Variants in PRMT3 observed in about 807,000 individuals in gnomAD.
PRMT3 encodes protein arginine N-methyltransferase 3.
PRMT3 carries 62 observed loss-of-function variants against 71.9 expected under a neutral mutation model. The ratio of observed to expected loss-of-function variants is 0.86; its 90% CI spans 0.70 to 1.07. PRMT3 has a LOEUF of 1.07. PRMT3 is among the 50% of genes least tolerant of loss of function. The pLI is 0.00. For missense variants in PRMT3, 663 were observed against 643.0 expected (o/e 1.03, Z -0.34); for synonymous variants, 213 against 220.4 (o/e 0.97, Z 0.30).
intron 8 of PRMT3, among the ~76,000 whole-genome samples, chr11:20,404,573 A>G (rs1012905643): frequency 6.6e-6 from 1 of 152,146 alleles, no homozygotes; most frequent in Non-Finnish European, 1.5e-5. Flanking sequence ...TGGAAAGCTT[A>G]TTTAATGTTT....
intron 15 of PRMT3, 116 bp downstream of exon 15, chr11:20,494,370 G>A (rs1233015062): frequency 1.6e-5 from 14 of 884,956 alleles, no homozygotes; most frequent in Middle Eastern, 3.3e-4. Context: ...ACGGAGTCTC[G>A]CTGTCTCACC....
At chr11:20,449,523 C>G (rs976660728) in intron 10 of PRMT3, among the ~76,000 whole-genome samples, 6 of 152,054 alleles carry the variant, frequency 3.9e-5, no homozygotes, top group African/African-American at 1.4e-4. Flanking sequence ...CATTCACTCC[C>G]CATTTATGTG....
At chr11:20,482,378 A>G (rs1850958820) in intron 13 of PRMT3, among the ~76,000 whole-genome samples, 1 of 149,844 alleles carries the variant, frequency 6.7e-6, no homozygotes, top group Admixed American at 6.6e-5. Flanking sequence ...CTAGATAGGT[A>G]TAGGTTTATG....
At chr11:20,474,609 A>C (rs1315273164) in intron 13 of PRMT3, among the ~76,000 whole-genome samples, 1 of 152,186 alleles carries the variant, frequency 6.6e-6, no homozygotes. Flanking sequence ...CCTAGGTGCA[A>C]AGATCCATGG....
chr11:20,389,710 G>T (rs537695735), intron 2 of PRMT3, 34 bp from the exon 3 acceptor site: 10 of 1,442,750 alleles, frequency 6.9e-6, no homozygotes, highest in Non-Finnish European at 9.7e-6. Context: ...CTTCTTAGGG[G>T]ACTATTCCAT....
At position 20,496,668 on chromosome 11, in the gene PRMT3, CT is replaced by C. The variant is rs1211693992; in HGVS notation, c.1486+2417del. On this transcript the variant is annotated intron_variant, in intron 15 of 15. Transcript: ENST00000331079. ...CATATAAAAGACATATAAAGGAAAACTTTGTAAAAAATTGGAGGAACTCTGA... is the reference window on the plus strand; with the variant it reads ...CATATAAAAGACATATAAAGGAAAACTTGTAAAAAATTGGAGGAACTCTGA... 8.6e-4 allele frequency among the ~76,000 whole-genome samples: 131 copies of C among 151,776 alleles called. 2 individuals carry two copies. The highest frequency in any genetic ancestry group is 1.2e-4 in the Non-Finnish European group (8 of 67,954).
chr11:20,441,452 C>T (rs1265851905), intron 10 of PRMT3, among the ~76,000 whole-genome samples: 1 of 151,798 alleles, frequency 6.6e-6, no homozygotes, highest in African/African-American at 2.4e-5. Context: ...ACTATAGGCA[C>T]CCGCCACCAT....
chr11:20,418,858 G>C (rs1849366174), intron 9 of PRMT3, among the ~76,000 whole-genome samples: 1 of 151,970 alleles, frequency 6.6e-6, no homozygotes, highest in Admixed American at 6.6e-5. Flanking sequence ...ATATGCATAA[G>C]TATCCATAAA....
chr11:20,408,202 AGCTAT>A (rs1174314023), intron 9 of PRMT3, among the ~76,000 whole-genome samples, 170 bp downstream of exon 9: 4 of 152,102 alleles, frequency 2.6e-5, no homozygotes, highest in African/African-American at 9.7e-5. Context: ...GACACATTTG[AGCTAT>A]GCTGCTGAAT....
Position 20,396,451 on chromosome 11 carries a change from A to G in PRMT3, c.560+489A>G, listed in dbSNP as rs539975697. On this transcript the variant is annotated intron_variant, in intron 6 of 15. Coordinates refer to ENST00000331079, the MANE Select transcript of PRMT3 (RefSeq NM_005788.4). ...CAGGAGTTTGAGACCAGCCTGGCCAACATGGTGAAACCCTGTCTCTACTAA... is the reference window on the plus strand; with the variant it reads ...CAGGAGTTTGAGACCAGCCTGGCCAGCATGGTGAAACCCTGTCTCTACTAA... 2.0e-5 allele frequency among the ~76,000 whole-genome samples: 3 copies of G among 152,292 alleles called. No individual in the cohort carries two copies. In the East Asian group the frequency reaches 5.8e-4, roughly 29 times the overall value.
Position 20,388,088 on chromosome 11 carries a change from G to A in PRMT3, c.98G>A (p.Trp33Ter), listed in dbSNP as rs1465492019. 1 of 1,614,074 alleles carries A rather than the reference G, an allele frequency of 6.2e-7. No homozygotes were observed. Among genetic ancestry groups the A allele is most frequent in the Admixed American group, 1.7e-5 (1 of 60,028 alleles). ...ELSDSGDEAA[W>*]EDEDDADLPH... ...TCGGACAGCGGGGACGAGGCCGCCT[G>A]GGAGGATGAGGACGATGCAGATCTC... is the stretch of plus-strand genomic sequence containing the variant. Residue 33 changes from tryptophan to a stop codon, truncating the protein, a stop_gained, in exon 2 of 16, where the codon TGG (tryptophan) becomes TAG (stop). Transcript: ENST00000331079. LOFTEE classifies it high-confidence loss of function.
At chr11:20,402,438 T>C (rs539806220) in intron 7 of PRMT3, among the ~76,000 whole-genome samples, 2 of 152,104 alleles carry the variant, frequency 1.3e-5, no homozygotes, top group South Asian at 4.2e-4. Flanking sequence ...TATTTCTATT[T>C]TTTTTTGGAG....
chr11:20,441,590 A>T (rs4101170), intron 10 of PRMT3, among the ~76,000 whole-genome samples: 2 of 151,548 alleles, frequency 1.3e-5, no homozygotes, highest in East Asian at 2.0e-4. Context: ...TACAGGCTTG[A>T]GCCACCGCGC....
At chr11:20,433,622 T>G (rs1023934488) in intron 10 of PRMT3, among the ~76,000 whole-genome samples, 4 of 151,952 alleles carry the variant, frequency 2.6e-5, no homozygotes, top group Non-Finnish European at 5.9e-5. Context: ...CTGTTTTGTT[T>G]TGTTTTTGTT....
At chr11:20,395,782 A>G (rs546603561) in intron 5 of PRMT3, 21 bp from the exon 6 acceptor site, 3 of 1,602,088 alleles carry the variant, frequency 1.9e-6, no homozygotes, top group African/African-American at 1.3e-5. Context: ...GCCTGATAAT[A>G]ATGTCCATTT....
At chr11:20,421,739 A>G (rs957135516) in intron 9 of PRMT3, among the ~76,000 whole-genome samples, 1 of 151,368 alleles carries the variant, frequency 6.6e-6, no homozygotes, top group African/African-American at 2.4e-5. Flanking sequence ...CCTCTCTTTG[A>G]TTTTCCTTTT....
At chr11:20,505,033 T>C (rs548031930) in intron 15 of PRMT3, among the ~76,000 whole-genome samples, 1 of 152,288 alleles carries the variant, frequency 6.6e-6, no homozygotes, top group East Asian at 1.9e-4. Context: ...ACACCCAGCC[T>C]TTATGCTTTT....
chr11:20,403,872 T>C (rs1849004243), intron 8 of PRMT3, among the ~76,000 whole-genome samples: 1 of 152,240 alleles, frequency 6.6e-6, no homozygotes, highest in Admixed American at 6.5e-5. Context: ...TTACATGATA[T>C]GGCAGCAGTA....
At chr11:20,403,934 A>T (rs754488427) in intron 8 of PRMT3, among the ~76,000 whole-genome samples, 31 of 152,030 alleles carry the variant, frequency 2.0e-4, no homozygotes, top group Non-Finnish European at 4.1e-4. Flanking sequence ...ATTGTTTGGA[A>T]TATAATCTGG....
Sources: allele counts gnomAD v4.1 joint callset (sites outside exome capture counted in the v4.1 genomes callset), GRCh38; gene constraint gnomAD v4.1.1; transcripts MANE v1.5; gene names NCBI Gene and HGNC (gene_info 2026-07-23, HGNC 2026-07-21).